Variants in AGXT2 observed in about 807,000 individuals in gnomAD.
AGXT2 encodes the protein alanine--glyoxylate aminotransferase 2, mitochondrial.
AGXT2 carries 61 observed loss-of-function variants against 62.5 expected under a neutral mutation model. The observed-to-expected ratio is 0.98, with a 90% CI of 0.79 to 1.21. The LOEUF (loss-of-function observed/expected upper bound fraction) is 1.21, where lower values mean the gene tolerates loss of function less well. Ranked by LOEUF, AGXT2 falls within the 50% of genes most tolerant of loss-of-function variation. The probability of loss-of-function intolerance (pLI) is 0.00; values close to 1 mark genes in which losing one functional copy is unlikely to be tolerated. For missense variants in AGXT2, 666 were observed against 641.5 expected (o/e 1.04, Z -0.41); for synonymous variants, 243 against 218.7 (o/e 1.11, Z -0.98).
rs186114159 is a variant in AGXT2 at position 35,047,233 on chromosome 5, G to C, written c.88+572C>G. On this transcript the variant is annotated intron_variant, in intron 1 of 13. Coordinates refer to ENST00000231420, the MANE Select transcript of AGXT2 (RefSeq NM_031900.4). ...GTGAGAGGATTGCTTGAGCCCGGGA[G>C]TTCGAGACCAACTTGAGCAACATAG... is the stretch of plus-strand genomic sequence containing the variant. Among the ~76,000 whole-genome samples, 208 of 152,322 alleles carry C rather than the reference G, an allele frequency of 1.4e-3. 1 individual carries two copies. The highest frequency in any genetic ancestry group is 2.8e-3 in the Admixed American group (43 of 15,298).
intron 7 of AGXT2, among the ~76,000 whole-genome samples, chr5:35,032,510 C>A (rs1182247292): frequency 1.3e-5 from 2 of 152,206 alleles, no homozygotes; most frequent in Non-Finnish European, 2.9e-5. Context: ...GCGTGAGATG[C>A]TTTTCCTACA....
intron 9 of AGXT2, among the ~76,000 whole-genome samples, chr5:35,018,253 C>T (rs1382328771): frequency 1.3e-5 from 2 of 152,116 alleles, no homozygotes; most frequent in East Asian, 1.9e-4. Context: ...AGAAGAGCAA[C>T]TCCAAGACAC....
intron 11 of AGXT2, 139 bp from the exon 12 acceptor site, chr5:35,010,288 A>T: frequency 8.9e-7 from 1 of 1,119,290 alleles, no homozygotes; most frequent in Non-Finnish European, 1.3e-6. Flanking sequence ...GACCACAAGG[A>T]CTACAAAAAG....
chr5:35,001,410 C>A (rs1233282528), intron 13 of AGXT2, among the ~76,000 whole-genome samples: 3 of 152,204 alleles, frequency 2.0e-5, no homozygotes, highest in African/African-American at 7.2e-5. Flanking sequence ...CCCAGAGGGA[C>A]CCCCTGTCTC....
At chr5:35,023,468 T>C (rs990351679) in intron 9 of AGXT2, among the ~76,000 whole-genome samples, 1 of 152,220 alleles carries the variant, frequency 6.6e-6, no homozygotes, top group Non-Finnish European at 1.5e-5. Flanking sequence ...ATTACATTGT[T>C]TGAAAGTCAT....
In AGXT2 at chr5:35,013,066, G is replaced by T. The variant is rs1461517414; in HGVS notation, c.1097-21C>A. 41 of 1,547,508 alleles carry T rather than the reference G, an allele frequency of 2.6e-5. No individual in the cohort carries two copies. The Admixed American group carries it at 8.0e-4, about 30-fold the overall frequency. The stretch of plus-strand genomic sequence containing the variant: ...AATCTCTAGAGGGAGAAAATAGAAG[G>T]TGTGGAAAGAGGGACACATTCCTGT... On this transcript the variant is annotated intron_variant, in intron 10 of 13. Coordinates refer to ENST00000231420, the MANE Select transcript of AGXT2 (RefSeq NM_031900.4).
At chr5:35,029,630 G>A (rs1431739014) in intron 7 of AGXT2, among the ~76,000 whole-genome samples, 13 of 152,152 alleles carry the variant, frequency 8.5e-5, no homozygotes, top group Non-Finnish European at 1.8e-4. Flanking sequence ...TCCAGCTAGT[G>A]GTACAGAAAG....
chr5:35,033,744 C>CGT (rs1554035870), intron 5 of AGXT2, among the ~76,000 whole-genome samples, 191 bp from the exon 6 acceptor site: 1 of 152,096 alleles, frequency 6.6e-6, no homozygotes, highest in Non-Finnish European at 1.5e-5. Context: ...TGTTAGAAAA[C>CGT]AGATTTGAAA....
intron 3 of AGXT2, among the ~76,000 whole-genome samples, chr5:35,038,986 T>G (rs1171444216): frequency 6.6e-6 from 1 of 152,172 alleles, no homozygotes; most frequent in Non-Finnish European, 1.5e-5. Context: ...TGTCATGTGT[T>G]TCTCTGAGAG....
intron 9 of AGXT2, among the ~76,000 whole-genome samples, chr5:35,024,083 G>T (rs1293354099): frequency 6.6e-6 from 1 of 152,084 alleles, no homozygotes; most frequent in East Asian, 1.9e-4. Flanking sequence ...AGTACAGATG[G>T]TGTTTCACCA....
intron 13 of AGXT2, among the ~76,000 whole-genome samples, chr5:35,000,423 C>G (rs2112156241): frequency 6.6e-6 from 1 of 152,294 alleles, no homozygotes; most frequent in East Asian, 1.9e-4. Context: ...CTCTGTCGCT[C>G]AGGCTGGAGT....
intron 13 of AGXT2, among the ~76,000 whole-genome samples, chr5:34,999,161 C>T (rs1176096352): frequency 6.6e-6 from 1 of 152,196 alleles, no homozygotes; most frequent in Non-Finnish European, 1.5e-5. Flanking sequence ...CCAGCAAACT[C>T]ACTTCTCACT....
chr5:35,040,638 G>A lies in AGXT2; in HGVS notation c.114C>T (p.Thr38=), dbSNP rs759517669. The A allele has an allele frequency of 6.2e-7, 1 of 1,613,918 alleles. No individual in the cohort carries two copies. Residue 38 remains threonine (T), a synonymous_variant, in exon 2 of 14, where the codon ACC becomes ACT. Transcript: ENST00000231420. The part of the protein sequence containing the change: ...LSLGTSRTSV[T]KLSLHTKPRM... ...TGGGCTTTGTATGAAGACTGAGCTT[G>A]GTTACTGATGTCCGGGAAGTACCTA...
rs11426533 is a variant in AGXT2 at position 35,003,578 on chromosome 5, C to CTT, written c.1437+183_1437+184dup. Among the ~76,000 whole-genome samples the CTT allele has an allele frequency of 2.4e-3, 352 of 145,324 alleles. 1 individual carries two copies. Among genetic ancestry groups the CTT allele is most frequent in the African/African-American group, 7.4e-3 (294 of 39,596 alleles). ...GGCCTGAGAGCTGCACTGTCTCCGC[C>CTT]TTTTTTTTTTTTGTACCCGAGCTTC... On this transcript the variant is annotated intron_variant, in intron 13 of 13. Transcript: ENST00000231420.
At chr5:35,015,197 T>C (rs1766805587) in intron 9 of AGXT2, among the ~76,000 whole-genome samples, 1 of 152,148 alleles carries the variant, frequency 6.6e-6, no homozygotes, top group Non-Finnish European at 1.5e-5. Flanking sequence ...AAGGCTGCCA[T>C]AGAGACTTTC....
Position 34,998,795 on chromosome 5 carries a change from G to C in AGXT2, c.1469C>G (p.Thr490Ser), listed in dbSNP as rs746662655. The C allele has an allele frequency of 1.9e-6, 3 of 1,613,802 alleles. No individual in the cohort carries two copies. The highest frequency in any genetic ancestry group is 2.5e-6 in the Non-Finnish European group (3 of 1,179,996). The change falls in exon 14 of 14, where the codon ACT becomes AGT. Residue 490 changes from threonine (T) to serine (S), a missense_variant. Transcript: ENST00000231420. ...TFRIAPSMCI[T>S]KPEVDFAVEV... Reference sequence around the variant, plus strand: ...TACTGCAAAATCAACTTCTGGTTTAGTGATGCACATTGAGGGCGCAATGCG... The same window carrying C: ...TACTGCAAAATCAACTTCTGGTTTACTGATGCACATTGAGGGCGCAATGCG...
chr5:35,033,777 C>T (rs1363541878), intron 5 of AGXT2, among the ~76,000 whole-genome samples: 2 of 152,134 alleles, frequency 1.3e-5, no homozygotes, highest in African/African-American at 4.8e-5. Context: ...TTTTGGAGAA[C>T]ATTTGTCCAA....
intron 2 of AGXT2, 116 bp from the exon 3 acceptor site, chr5:35,039,624 G>A: frequency 8.9e-7 from 1 of 1,127,510 alleles, no homozygotes; most frequent in East Asian, 2.5e-5. Context: ...CTGGCCTGTA[G>A]AGGCTCAGAA....
chr5:35,045,764 C>CTTTTTTTTTTTTTTT (rs1255749919), intron 1 of AGXT2, among the ~76,000 whole-genome samples: 18 of 99,150 alleles, frequency 1.8e-4, no homozygotes, highest in African/African-American at 2.9e-4. Flanking sequence ...TTTCTTTTTT[C>CTTTTTTTTTTTTTTT]TTTTTTTTTT....
Sources: gnomAD v4.1 joint callset for allele counts (sites outside exome capture counted in the v4.1 genomes callset) on GRCh38, gnomAD v4.1.1 for gene constraint, MANE v1.5 for transcripts, NCBI Gene and HGNC (gene_info 2026-07-23, HGNC 2026-07-21) for gene names.